CDK14: variants seen among roughly 807,000 people sequenced by gnomAD.
CDK14 encodes the protein cyclin-dependent kinase 14.
In CDK14, 34 loss-of-function variants were observed where a neutral mutation model predicts 60.7. The ratio of observed to expected loss-of-function variants is 0.56; its 90% CI spans 0.43 to 0.75. The LOEUF (loss-of-function observed/expected upper bound fraction) is 0.75. CDK14 is among the 30% of genes least tolerant of loss of function. The probability of loss-of-function intolerance (pLI) is 0.00; values close to 1 mark genes in which losing one functional copy is unlikely to be tolerated. For missense variants in CDK14, 482 were observed against 564.1 expected, an observed-to-expected ratio of 0.85 and a Z score of 1.47; for synonymous variants, 197 against 203.7, an observed-to-expected ratio of 0.97 and a Z score of 0.28.
chr7:90,790,723 C>T (rs541530250), intron 5 of CDK14, 71 bp downstream of exon 5: 20 of 899,294 alleles, frequency 2.2e-5, no homozygotes, highest in Non-Finnish European at 3.6e-5. Flanking sequence ...ATATTATACA[C>T]CTCTGAATAT....
intron 7 of CDK14, among the ~76,000 whole-genome samples, chr7:90,917,278 A>G (rs1031567597): frequency 6.6e-6 from 1 of 152,156 alleles, no homozygotes; most frequent in Non-Finnish European, 1.5e-5. Flanking sequence ...ACATCATTTT[A>G]GTCCTGAAGA....
intron 2 of CDK14, among the ~76,000 whole-genome samples, chr7:90,628,392 T>C (rs754600310): frequency 1.3e-5 from 2 of 152,188 alleles, no homozygotes; most frequent in African/African-American, 2.4e-5. Context: ...CACTTCCAAG[T>C]GTTAAAGGCC....
intron 2 of CDK14, among the ~76,000 whole-genome samples, chr7:90,696,942 T>C (rs1213451681): frequency 6.6e-6 from 1 of 152,000 alleles, no homozygotes; most frequent in Admixed American, 6.6e-5. Context: ...AGGTGATCAA[T>C]TGTGTCAGAT....
At chr7:90,629,798 G>C (rs1479012859) in intron 2 of CDK14, among the ~76,000 whole-genome samples, 11 of 152,126 alleles carry the variant, frequency 7.2e-5, no homozygotes, top group African/African-American at 2.7e-4. Context: ...AGGCCGAGGT[G>C]GGTGGATCAC....
At chr7:90,900,704 G>A (rs146599733) in intron 7 of CDK14, among the ~76,000 whole-genome samples, 3 of 152,310 alleles carry the variant, frequency 2.0e-5, no homozygotes, top group African/African-American at 7.2e-5. Context: ...ACCAGCCACA[G>A]TGGAAATGAG....
intron 5 of CDK14, among the ~76,000 whole-genome samples, chr7:90,851,060 A>T (rs1262164232): frequency 6.6e-6 from 1 of 152,228 alleles, no homozygotes; most frequent in Non-Finnish European, 1.5e-5. Context: ...CTAGGAATGG[A>T]TGCAAGAAAA....
At chr7:90,766,855 G>A (rs940656292) in intron 4 of CDK14, among the ~76,000 whole-genome samples, 5 of 152,032 alleles carry the variant, frequency 3.3e-5, no homozygotes, top group Admixed American at 6.6e-5. Flanking sequence ...TGTCTGCTCC[G>A]GCTCCACAGC....
chr7:90,750,192 ACACACACAC>A (rs869236658), intron 4 of CDK14, among the ~76,000 whole-genome samples: 1,379 of 97,778 alleles, frequency 0.014, 18 homozygotes, highest in East Asian at 0.024. Context: ...ACACACACAC[ACACACACAC>A]CAATAATATT....
intron 5 of CDK14, among the ~76,000 whole-genome samples, chr7:90,845,282 A>G (rs182729550): frequency 1.3e-5 from 2 of 152,094 alleles, no homozygotes; most frequent in African/African-American, 4.8e-5. Context: ...TATGCTTTCT[A>G]TATTTTTGAA....
chr7:90,830,259 A>G (rs977793718), intron 5 of CDK14, among the ~76,000 whole-genome samples: 4 of 152,010 alleles, frequency 2.6e-5, no homozygotes, highest in African/African-American at 7.3e-5. Flanking sequence ...CCAATCCTCA[A>G]CTCTTGTCTT....
At chr7:90,818,325 C>T (rs765536869) in intron 5 of CDK14, among the ~76,000 whole-genome samples, 30 of 152,232 alleles carry the variant, frequency 2.0e-4, no homozygotes, top group Non-Finnish European at 4.1e-4. Context: ...TTACATCACA[C>T]GATGGAAAAA....
At chr7:91,092,711 G>A (rs969449318) in intron 12 of CDK14, among the ~76,000 whole-genome samples, 6 of 152,158 alleles carry the variant, frequency 3.9e-5, no homozygotes, top group Non-Finnish European at 7.4e-5. Flanking sequence ...AGCATAGAGA[G>A]AGAAAATGAA....
At chr7:90,972,408 A>C (rs1185425403) in intron 9 of CDK14, among the ~76,000 whole-genome samples, 2 of 152,228 alleles carry the variant, frequency 1.3e-5, no homozygotes, top group African/African-American at 4.8e-5. Context: ...ATATGTAATA[A>C]ATTTTCTTTT....
At chr7:90,920,005 G>A (rs1013173037) in intron 8 of CDK14, among the ~76,000 whole-genome samples, 2 of 152,248 alleles carry the variant, frequency 1.3e-5, no homozygotes, top group Admixed American at 6.5e-5. Context: ...TGCATCCTGT[G>A]CACAGAGTGT....
chr7:90,923,508 A>G (rs1793317768), intron 8 of CDK14, among the ~76,000 whole-genome samples: 2 of 152,210 alleles, frequency 1.3e-5, no homozygotes, highest in Admixed American at 6.5e-5. Context: ...TATTCCATCT[A>G]TGAGAAATCT....
chr7:90,662,372 C>T (rs1800881875), intron 2 of CDK14, among the ~76,000 whole-genome samples: 1 of 152,218 alleles, frequency 6.6e-6, no homozygotes, highest in African/African-American at 2.4e-5. Flanking sequence ...CTGCTTTGCT[C>T]TCTTGCTCTC....
intron 6 of CDK14, among the ~76,000 whole-genome samples, chr7:90,866,181 G>A (rs1400779094): frequency 6.7e-6 from 1 of 149,878 alleles, no homozygotes; most frequent in African/African-American, 2.5e-5. Flanking sequence ...GTAAGTTATA[G>A]TATTGTCACA....
intron 14 of CDK14, among the ~76,000 whole-genome samples, chr7:91,140,376 C>A (rs892676962): frequency 7.2e-5 from 11 of 152,150 alleles, no homozygotes; most frequent in African/African-American, 2.7e-4. Context: ...GGAGCCAGAA[C>A]CTTATGTCGA....
chr7:90,876,384 G>T (rs183174131), intron 6 of CDK14, among the ~76,000 whole-genome samples: 47 of 152,240 alleles, frequency 3.1e-4, no homozygotes, highest in African/African-American at 9.6e-4. Flanking sequence ...TTCCTTCTCT[G>T]GGTTTAAGAG....
Sources: gnomAD v4.1 joint callset for allele counts (sites outside exome capture counted in the v4.1 genomes callset) on GRCh38, gnomAD v4.1.1 for gene constraint, MANE v1.5 for transcripts, NCBI Gene and HGNC (gene_info 2026-07-23, HGNC 2026-07-21) for gene names.